The following DAB1 variants were observed in gnomAD, a reference collection of about 807,000 sequenced individuals.
The protein encoded by DAB1 is disabled homolog 1.
A neutral mutation model predicts 64.6 loss-of-function variants in DAB1; 15 were observed. That is an observed-to-expected ratio of 0.23 (90% confidence interval 0.16 to 0.36). The LOEUF is 0.36. Ranked by LOEUF, DAB1 falls within the 10% of genes least tolerant of loss-of-function variation. The pLI is 1.00. For missense variants in DAB1, 596 were observed against 706.7 expected (o/e 0.84, Z 1.78); for synonymous variants, 235 against 251.9 (o/e 0.93, Z 0.64).
At chr1:57,871,100 T>C (rs1021652548) in intron 1 of DAB1, among the ~76,000 whole-genome samples, 4 of 152,164 alleles carry the variant, frequency 2.6e-5, no homozygotes, top group African/African-American at 9.7e-5. Context: ...CCTGCCTCTT[T>C]GGAGGAGCAG....
intron 1 of DAB1, among the ~76,000 whole-genome samples, chr1:57,356,656 G>GA (rs1418406567): frequency 2.0e-5 from 3 of 151,950 alleles, no homozygotes; most frequent in South Asian, 4.2e-4. Flanking sequence ...CATTCAGACA[G>GA]AAAAAAGTCT....
chr1:57,538,278 T>G (rs1004213931), intron 7 of DAB1, among the ~76,000 whole-genome samples: 1 of 152,174 alleles, frequency 6.6e-6, no homozygotes, highest in African/African-American at 2.4e-5. Context: ...CTTTGGCCCA[T>G]GTACTTTTCC....
intron 9 of DAB1, among the ~76,000 whole-genome samples, chr1:57,036,400 T>C (rs1289171883): frequency 6.6e-6 from 1 of 152,178 alleles, no homozygotes; most frequent in African/African-American, 2.4e-5. Flanking sequence ...CAGTCATTTC[T>C]CAGAGCTGCT....
intron 4 of DAB1, among the ~76,000 whole-genome samples, chr1:58,165,997 T>C (rs960253645): frequency 2.6e-5 from 4 of 152,156 alleles, no homozygotes; most frequent in Non-Finnish European, 4.4e-5. Context: ...TAAGGACACA[T>C]GGTTAGTAAG....
chr1:57,660,839 A>C (rs1646377997), intron 6 of DAB1, among the ~76,000 whole-genome samples: 1 of 152,180 alleles, frequency 6.6e-6, no homozygotes, highest in Admixed American at 6.5e-5. Flanking sequence ...AGAGCTTCCC[A>C]CGGAATTGAT....
intron 1 of DAB1, among the ~76,000 whole-genome samples, chr1:57,346,976 C>T (rs571815173): frequency 1.1e-4 from 16 of 152,266 alleles, no homozygotes; most frequent in African/African-American, 2.9e-4. Flanking sequence ...ATGAAGCTTA[C>T]GTACTGGTGG....
chr1:57,243,151 A>G (rs543674011), intron 2 of DAB1, among the ~76,000 whole-genome samples: 164 of 152,314 alleles, frequency 1.1e-3, no homozygotes, highest in Non-Finnish European at 2.1e-3. Context: ...CTACCCAGCT[A>G]AATGGAAAAG....
intron 1 of DAB1, among the ~76,000 whole-genome samples, chr1:57,834,730 G>T (rs1403090694): frequency 6.6e-6 from 1 of 151,438 alleles, no homozygotes; most frequent in Non-Finnish European, 1.5e-5. Flanking sequence ...CTATATATAT[G>T]GTTTAAAATA....
chr1:58,384,477 G>T (rs1476216149), intron 3 of DAB1, among the ~76,000 whole-genome samples: 1 of 152,136 alleles, frequency 6.6e-6, no homozygotes, highest in Non-Finnish European at 1.5e-5. Context: ...ATAAAATATT[G>T]TACCTTACAA....
In DAB1 at chr1:57,294,960, A is replaced by G. The variant is rs911568843; in HGVS notation, c.-136-3794T>C. ...GGATGAACCCTGAAAACAGCAAGGCAAGTAAGTTAGACAAAATATGTTGCA... is the reference window on the plus strand; with the variant it reads ...GGATGAACCCTGAAAACAGCAAGGCGAGTAAGTTAGACAAAATATGTTGCA... On this transcript the variant is annotated intron_variant, in intron 1 of 14. Coordinates refer to ENST00000371236, the MANE Select transcript of DAB1 (RefSeq NM_001365792.1). Among the ~76,000 whole-genome samples, 5 of 152,328 alleles carry G rather than the reference A, an allele frequency of 3.3e-5. No homozygotes were observed. The East Asian group carries it at 5.8e-4, about 18-fold the overall frequency.
intron 1 of DAB1, among the ~76,000 whole-genome samples, chr1:57,858,194 A>C (rs985732950): frequency 1.3e-5 from 2 of 152,174 alleles, no homozygotes; most frequent in Non-Finnish European, 2.9e-5. Flanking sequence ...TGTCATTTGG[A>C]AGGGTATTTT....
chr1:57,227,521 G>T (rs997859767), intron 2 of DAB1, among the ~76,000 whole-genome samples: 6 of 97,242 alleles, frequency 6.2e-5, no homozygotes, highest in African/African-American at 2.9e-4. Context: ...TTTTTCTTTT[G>T]TGTGTGTGTG....
chr1:57,852,661 C>T lies in DAB1; in HGVS notation n.88-26206G>A, dbSNP rs182926297. On this transcript the variant is annotated intron_variant and non_coding_transcript_variant, in intron 1 of 1. Transcript: ENST00000477280. ...GATAAGCCCAGGAATCCAGGTCAAC[C>T]CTCAGTCCCAGATTTTAATCACTAC... is the stretch of plus-strand genomic sequence containing the variant. Among the ~76,000 whole-genome samples the T allele has an allele frequency of 1.2e-4, 18 of 152,168 alleles. No homozygotes were observed. In the East Asian group the frequency reaches 3.5e-3, roughly 30 times the overall value.
chr1:57,142,669 G>A (rs1658730474), intron 3 of DAB1, among the ~76,000 whole-genome samples: 1 of 149,862 alleles, frequency 6.7e-6, no homozygotes, highest in Non-Finnish European at 1.5e-5. Flanking sequence ...CCATTGCTAG[G>A]CCTAGTCCAG....
intron 5 of DAB1, among the ~76,000 whole-genome samples, chr1:58,086,056 C>T (rs1426403536): frequency 8.0e-5 from 12 of 149,108 alleles, no homozygotes; most frequent in African/African-American, 3.0e-4. Context: ...CTCCGCCTCC[C>T]AGGTTCACGC....
intron 14 of DAB1, among the ~76,000 whole-genome samples, chr1:57,002,159 A>G (rs917029867): frequency 6.6e-6 from 1 of 152,228 alleles, no homozygotes; most frequent in African/African-American, 2.4e-5. Flanking sequence ...ACCATATGGT[A>G]AAACCTAAAG....
chr1:57,692,068 C>T (rs1474709232), intron 6 of DAB1, among the ~76,000 whole-genome samples: 1 of 151,926 alleles, frequency 6.6e-6, no homozygotes, highest in Admixed American at 6.6e-5. Context: ...GAGAGGAAAG[C>T]CATTCTGCTC....
chr1:57,950,214 T>C (rs12048241), intron 5 of DAB1, among the ~76,000 whole-genome samples: 62,502 of 152,034 alleles, frequency 0.41, 14,042 homozygotes, highest in Admixed American at 0.51. Context: ...ATACCTAAGT[T>C]TCTTCAGCTG....
chr1:58,316,836 C>T (rs537043151), intron 4 of DAB1, among the ~76,000 whole-genome samples: 2 of 152,288 alleles, frequency 1.3e-5, no homozygotes, highest in African/African-American at 4.8e-5. Context: ...TGAGTTTATT[C>T]TTAACAGCAT....
Sources: gnomAD v4.1 joint callset for allele counts (sites outside exome capture counted in the v4.1 genomes callset) on GRCh38, gnomAD v4.1.1 for gene constraint, MANE v1.5 for transcripts, NCBI Gene and HGNC (gene_info 2026-07-23, HGNC 2026-07-21) for gene names.